The following UNC5C variants were observed in gnomAD, a reference collection of about 807,000 sequenced individuals.
UNC5C encodes netrin receptor UNC5C.
In UNC5C, 47 loss-of-function variants were observed where a neutral mutation model predicts 99.8. The ratio of observed to expected loss-of-function variants is 0.47; its 90% confidence interval spans 0.37 to 0.60. The LOEUF (loss-of-function observed/expected upper bound fraction) is 0.60. Ranked by LOEUF, UNC5C falls within the 20% of genes least tolerant of loss-of-function variation. UNC5C has a pLI of 0.00. For synonymous variants in UNC5C, 487 were observed against 452.2 expected (o/e 1.08, Z -0.98); for missense variants, 1,062 against 1,165.9 (o/e 0.91, Z 1.30).
chr4:95,421,009 T>G (rs1746302941), intron 1 of UNC5C, among the ~76,000 whole-genome samples: 1 of 152,158 alleles, frequency 6.6e-6, no homozygotes. Flanking sequence ...AAGAATCCTA[T>G]CTTCAATCTC....
intron 1 of UNC5C, among the ~76,000 whole-genome samples, chr4:95,367,717 T>G (rs1744616554): frequency 6.6e-6 from 1 of 152,176 alleles, no homozygotes; most frequent in African/African-American, 2.4e-5. Flanking sequence ...TAACTTATCT[T>G]TCTTTACTCT....
At chr4:95,386,430 A>C (rs917660878) in intron 1 of UNC5C, among the ~76,000 whole-genome samples, 1 of 152,102 alleles carries the variant, frequency 6.6e-6, no homozygotes, top group African/African-American at 2.4e-5. Context: ...TTATGGGCTG[A>C]GTATTCACTT....
rs145140944 is a variant in UNC5C, at chr4:95,241,789, G to GA, written c.1108+639dup. On this transcript the variant is annotated intron_variant, in intron 7 of 15. Transcript: ENST00000453304. ...AAGAAAATCTAAAGAACAAAGACGT[G>GA]AAAAAAATGGAGAATATCTAGCTTA... Among the ~76,000 whole-genome samples the GA allele has an allele frequency of 9.5e-3, 1,448 of 152,086 alleles. 23 individuals are homozygous for GA. Among genetic ancestry groups the GA allele is most frequent in the African/African-American group, 0.034 (1,394 of 41,502 alleles).
At chr4:95,261,963 A>G (rs971254433) in intron 4 of UNC5C, among the ~76,000 whole-genome samples, 1 of 152,128 alleles carries the variant, frequency 6.6e-6, no homozygotes, top group South Asian at 2.1e-4. Context: ...TCAGCCTCCC[A>G]AAGTGCTGGA....
At chr4:95,189,095 C>T (rs200761793) in intron 12 of UNC5C, among the ~76,000 whole-genome samples, 8 of 152,130 alleles carry the variant, frequency 5.3e-5, no homozygotes, top group African/African-American at 1.7e-4. Context: ...AGTAAGGATG[C>T]GGATCATCTG....
chr4:95,481,013 A>T (rs1352762710), intron 1 of UNC5C, among the ~76,000 whole-genome samples: 3 of 150,262 alleles, frequency 2.0e-5, no homozygotes, highest in Non-Finnish European at 4.4e-5. Context: ...GGCCAGGGCA[A>T]TTAGGCAGGA....
chr4:95,491,115 T>G (rs890990061), intron 1 of UNC5C, among the ~76,000 whole-genome samples: 1 of 151,546 alleles, frequency 6.6e-6, no homozygotes, highest in Admixed American at 6.6e-5. Context: ...AAATAAAATA[T>G]TTGCAAACAA....
chr4:95,349,390 A>C (rs1195139682), intron 1 of UNC5C, among the ~76,000 whole-genome samples: 1 of 139,340 alleles, frequency 7.2e-6, no homozygotes, highest in Non-Finnish European at 1.6e-5. Context: ...ACACACCCAC[A>C]CACACACACA....
intron 14 of UNC5C, among the ~76,000 whole-genome samples, chr4:95,177,843 C>T (rs7691978): frequency 0.053 from 7,979 of 150,658 alleles, 379 homozygotes; most frequent in African/African-American, 0.13. Context: ...CTGAGACTAT[C>T]GGTGTGCACC....
chr4:95,503,167 G>T (rs940147012), intron 1 of UNC5C, among the ~76,000 whole-genome samples: 1 of 152,030 alleles, frequency 6.6e-6, no homozygotes, highest in African/African-American at 2.4e-5. Flanking sequence ...CTTCATCAAT[G>T]AATTATTGTT....
At chr4:95,359,911 T>C (rs907417649) in intron 1 of UNC5C, among the ~76,000 whole-genome samples, 3 of 152,140 alleles carry the variant, frequency 2.0e-5, no homozygotes, top group African/African-American at 4.8e-5. Context: ...ATTCTCACAA[T>C]AGCACCGTGG....
At chr4:95,360,710 A>G (rs1744362685) in intron 1 of UNC5C, among the ~76,000 whole-genome samples, 1 of 152,210 alleles carries the variant, frequency 6.6e-6, no homozygotes, top group African/African-American at 2.4e-5. Flanking sequence ...TGGAAGCACC[A>G]AAGATCTAAC....
chr4:95,362,924 A>G (rs902891496), intron 1 of UNC5C, among the ~76,000 whole-genome samples: 2 of 152,094 alleles, frequency 1.3e-5, no homozygotes, highest in South Asian at 2.1e-4. Flanking sequence ...ATAGGATACC[A>G]TGGAAAAGGT....
At chr4:95,200,543 A>G (rs1737615102) in intron 12 of UNC5C, among the ~76,000 whole-genome samples, 1 of 152,254 alleles carries the variant, frequency 6.6e-6, no homozygotes, top group African/African-American at 2.4e-5. Context: ...AGTGGAGTTA[A>G]TGGTGCCTTA....
chr4:95,341,555 G>A (rs1211060488), intron 1 of UNC5C, among the ~76,000 whole-genome samples: 1 of 151,818 alleles, frequency 6.6e-6, no homozygotes, highest in Non-Finnish European at 1.5e-5. Flanking sequence ...GAAAAAGAAA[G>A]AAAGGAGGGA....
chr4:95,250,683 A>G lies in UNC5C; in HGVS notation c.595-16T>C, dbSNP rs1309144891. 1.2e-6 allele frequency: 2 copies of G among 1,611,492 alleles called. No individual in the cohort carries two copies. Among genetic ancestry groups the G allele is most frequent in the Non-Finnish European group, 1.7e-6 (2 of 1,178,458 alleles). The stretch of plus-strand genomic sequence containing the variant: ...ACCATTCCACCTAAAGATAAATGAG[A>G]AAAGTAGATAAATCCTCAGCATGGA... On this transcript the variant is annotated splice_polypyrimidine_tract_variant and intron_variant, in intron 4 of 15. Transcript: ENST00000453304.
chr4:95,511,332 T>A (rs968908019), intron 1 of UNC5C, among the ~76,000 whole-genome samples: 2 of 152,036 alleles, frequency 1.3e-5, no homozygotes, highest in Non-Finnish European at 2.9e-5. Context: ...AGGATCAAAG[T>A]GTTAATATCA....
chr4:95,238,669 A>G (rs989634663), intron 7 of UNC5C, among the ~76,000 whole-genome samples: 1 of 152,128 alleles, frequency 6.6e-6, no homozygotes, highest in African/African-American at 2.4e-5. Flanking sequence ...TTTATTCAGT[A>G]AATGTTGGAT....
intron 1 of UNC5C, among the ~76,000 whole-genome samples, chr4:95,372,660 G>A (rs1744780896): frequency 2.0e-5 from 3 of 151,930 alleles, no homozygotes; most frequent in Admixed American, 6.6e-5. Context: ...ATGAGTATTC[G>A]TTCCACATTC....
Sources: allele counts gnomAD v4.1 joint callset (sites outside exome capture counted in the v4.1 genomes callset), GRCh38; gene constraint gnomAD v4.1.1; transcripts MANE v1.5; gene names NCBI Gene and HGNC (gene_info 2026-07-23, HGNC 2026-07-21).